PEX5L: variants seen among roughly 807,000 people sequenced by gnomAD.
PEX5L encodes the protein PEX5-related protein.
A neutral mutation model predicts 84.0 loss-of-function variants in PEX5L; 30 were observed. The observed-to-expected ratio is 0.36, with a 90% CI of 0.27 to 0.48. The LOEUF is 0.48. PEX5L is among the 20% of genes least tolerant of loss of function. The pLI, the probability that PEX5L is intolerant of heterozygous loss-of-function variation, is 0.99. For missense variants in PEX5L, 533 were observed against 754.6 expected (o/e 0.71, Z 3.44); for synonymous variants, 270 against 283.1 (o/e 0.95, Z 0.46).
intron 13 of PEX5L, 143 bp downstream of exon 13, chr3:179,808,129 T>C: frequency 1.6e-6 from 1 of 636,976 alleles, no homozygotes; most frequent in Non-Finnish European, 2.6e-6. Flanking sequence ...ACAGCCACAG[T>C]AGCACATTAT....
intron 1 of PEX5L, among the ~76,000 whole-genome samples, chr3:180,033,976 C>T (rs571564228): frequency 6.6e-6 from 1 of 152,258 alleles, no homozygotes; most frequent in Non-Finnish European, 1.5e-5. Context: ...TAAAAGTCTG[C>T]GGTTTCTAAA....
At chr3:179,889,972 A>C (rs1371057717) in intron 3 of PEX5L, among the ~76,000 whole-genome samples, 1 of 152,200 alleles carries the variant, frequency 6.6e-6, no homozygotes, top group African/African-American at 2.4e-5. Flanking sequence ...ATAGCTAAAC[A>C]TCAGTGATCC....
At chr3:180,001,907 C>A (rs923366018) in intron 1 of PEX5L, among the ~76,000 whole-genome samples, 3 of 152,114 alleles carry the variant, frequency 2.0e-5, no homozygotes, top group Admixed American at 6.6e-5. Flanking sequence ...GCCAAACACA[C>A]ATATTTGTAG....
In PEX5L at chr3:179,902,655, T is replaced by C. The variant is rs1007747614; in HGVS notation, c.94-4409A>G. On this transcript the variant is annotated intron_variant, in intron 2 of 14. Coordinates refer to ENST00000467460, the MANE Select transcript of PEX5L (RefSeq NM_016559.3). ...GCTAAATGCCATTAAATGCCACTTTTACTAAGACTTTCTTGAGATCCGTTT... is the reference window on the plus strand; with the variant it reads ...GCTAAATGCCATTAAATGCCACTTTCACTAAGACTTTCTTGAGATCCGTTT... 1.3e-5 allele frequency: 6 copies of C among 456,564 alleles called. No individual in the cohort carries two copies. The Admixed American group carries it at 1.4e-4, about 11-fold the overall frequency. 28.3% of individuals were successfully genotyped at this position (456,564 alleles called of 1,614,324 possible). A position where few individuals can be genotyped will look rare whatever the true frequency, so the allele number is the denominator to read the frequency against.
intron 4 of PEX5L, among the ~76,000 whole-genome samples, chr3:179,882,969 A>G (rs1476143486): frequency 6.6e-6 from 1 of 152,140 alleles, no homozygotes. Context: ...AGTGATGGCT[A>G]TCACCTGTAG....
intron 8 of PEX5L, among the ~76,000 whole-genome samples, chr3:179,836,440 C>A (rs1323610243): frequency 6.6e-6 from 1 of 152,064 alleles, no homozygotes; most frequent in African/African-American, 2.4e-5. Context: ...GCCCAAGAGA[C>A]CAAATCAAAA....
intron 12 of PEX5L, 97 bp from the exon 13 acceptor site, chr3:179,808,534 C>T (rs747260792): frequency 2.1e-5 from 20 of 964,794 alleles, no homozygotes; most frequent in Non-Finnish European, 2.7e-5. Flanking sequence ...GAAGTCTCTT[C>T]GTTACAGACT....
At chr3:179,928,077 T>C (rs1427599384) in intron 2 of PEX5L, among the ~76,000 whole-genome samples, 1 of 152,220 alleles carries the variant, frequency 6.6e-6, no homozygotes, top group East Asian at 1.9e-4. Context: ...TTATTTATGT[T>C]AAGGTTGATC....
chr3:179,801,730 A>G lies in PEX5L; in HGVS notation c.*98T>C. 1 of 872,440 alleles carries G rather than the reference A, an allele frequency of 1.1e-6. No individual in the cohort carries two copies. Among genetic ancestry groups the G allele is most frequent in the Non-Finnish European group, 1.9e-6 (1 of 522,562 alleles). 54.0% of individuals were successfully genotyped at this position (872,440 alleles called of 1,614,324 possible). A position where few individuals can be genotyped will look rare whatever the true frequency, so the allele number is the denominator to read the frequency against. ...GCTATATGACCATGGCCTTTTGAAT[A>G]TTTGATTTATCCTTTTGAAATTCAT... On this transcript the variant is annotated 3_prime_UTR_variant, in exon 15 of 15. Transcript: ENST00000467460.
rs1718994409 is a variant in PEX5L, at chr3:179,801,943, T to A, written c.1766A>T (p.Asn589Ile). The change falls in exon 15 of 15, where the codon AAT becomes ATT. Residue 589 changes from asparagine (N) to isoleucine (I), a missense_variant. By Grantham distance (149) the Asn-to-Ile change is moderately radical. Around this residue, in one of 8 missense-constraint regions of PEX5L, gnomAD observed 105 missense variants for 204.6 expected, o/e 0.51. Coordinates refer to ENST00000467460, the MANE Select transcript of PEX5L (RefSeq NM_016559.3). ...QQVPHPAISGNIWAALRIALS... is the reference protein window; with the variant it reads ...QQVPHPAISGIIWAALRIALS... ...CGCAATTCTGAGGGCAGCCCAGATA[T>A]TCCCAGAGATTGCAGGATGAGGAAC... 3 of 1,613,732 alleles carry A rather than the reference T, an allele frequency of 1.9e-6. No individual in the cohort carries two copies. The Admixed American group carries it at 5.0e-5, about 27-fold the overall frequency.
chr3:179,900,818 C>T (rs1411307603), intron 2 of PEX5L: 3 of 845,142 alleles, frequency 3.5e-6, no homozygotes, highest in Admixed American at 4.2e-5. Flanking sequence ...TGCGATAATA[C>T]CCCATGAGCG....
intron 1 of PEX5L, among the ~76,000 whole-genome samples, chr3:180,030,640 G>T (rs1791367575): frequency 6.6e-6 from 1 of 152,134 alleles, no homozygotes; most frequent in African/African-American, 2.4e-5. Context: ...TTTTAAGAGG[G>T]TGTGTGGGAG....
At chr3:179,845,308 A>G (rs1288889985) in intron 8 of PEX5L, among the ~76,000 whole-genome samples, 2 of 152,222 alleles carry the variant, frequency 1.3e-5, no homozygotes, top group Non-Finnish European at 2.9e-5. Flanking sequence ...AGATTTTACC[A>G]TATAACTCAG....
At chr3:179,977,470 T>C (rs1329905728) in intron 1 of PEX5L, among the ~76,000 whole-genome samples, 1 of 152,232 alleles carries the variant, frequency 6.6e-6, no homozygotes, top group Non-Finnish European at 1.5e-5. Context: ...TCTCAGTTCT[T>C]TGACAATATT....
chr3:179,955,478 CTT>C (rs397967053), intron 2 of PEX5L, among the ~76,000 whole-genome samples: 57 of 53,746 alleles, frequency 1.1e-3, no homozygotes, highest in Admixed American at 3.8e-3. Flanking sequence ...CTGCTATGCT[CTT>C]TTTTTTTTTT....
At chr3:179,819,233 CA>C (rs1294964260) in intron 9 of PEX5L, among the ~76,000 whole-genome samples, 1 of 152,032 alleles carries the variant, frequency 6.6e-6, no homozygotes, top group African/African-American at 2.4e-5. Context: ...CCAACCCCAC[CA>C]AGTGTTTTTA....
At chr3:180,033,319 G>A (rs956774258) in intron 1 of PEX5L, among the ~76,000 whole-genome samples, 1 of 152,152 alleles carries the variant, frequency 6.6e-6, no homozygotes, top group African/African-American at 2.4e-5. Context: ...CAAAAAGTCT[G>A]CTTTGAATGC....
At chr3:180,026,055 CTA>C (rs1379860488) in intron 1 of PEX5L, among the ~76,000 whole-genome samples, 1 of 149,994 alleles carries the variant, frequency 6.7e-6, no homozygotes, top group Non-Finnish European at 1.5e-5. Flanking sequence ...CTCTTAAGCA[CTA>C]TGTTTTGTTC....
Position 179,887,734 on chromosome 3 carries a change from A to G in PEX5L, c.249T>C (p.Asp83=), listed in dbSNP as rs1756348993. 1.2e-6 allele frequency: 2 copies of G among 1,614,070 alleles called. No individual in the cohort carries two copies. Among genetic ancestry groups the G allele is most frequent in the Non-Finnish European group, 1.7e-6 (2 of 1,179,928 alleles). ...CCGATTTGGTTTCACAGAGAAAGTC[A>G]TCGATGGAGGGACTCAGGAGGGGTC... ...ESRPLLSPSI[D]DFLCETKSEA... The change falls in exon 4 of 15, where the codon GAT becomes GAC. Residue 83 remains aspartate, a synonymous_variant. Coordinates refer to ENST00000467460, the MANE Select transcript of PEX5L (RefSeq NM_016559.3).
Sources: allele counts gnomAD v4.1 joint callset (sites outside exome capture counted in the v4.1 genomes callset), GRCh38; gene constraint gnomAD v4.1.1; regional missense constraint gnomAD v4.1.1; transcripts MANE v1.5; gene names NCBI Gene and HGNC (gene_info 2026-07-23, HGNC 2026-07-21).